The following SLC17A1 variants were observed in gnomAD, a reference collection of about 807,000 sequenced individuals.
The protein encoded by SLC17A1 is sodium-dependent phosphate transport protein 1.
A neutral mutation model predicts 53.5 loss-of-function variants in SLC17A1; 51 were observed. That is an observed-to-expected ratio of 0.95 (90% CI 0.76 to 1.20). The LOEUF is 1.20. Among genes scored for constraint, SLC17A1 ranks in the 50% most tolerant of loss-of-function variants. The pLI, the probability that SLC17A1 is intolerant of heterozygous loss-of-function variation, is 0.00. For synonymous variants in SLC17A1, 179 were observed against 198.8 expected, an observed-to-expected ratio of 0.90 and a Z score of 0.84; for missense variants, 538 against 568.2, an observed-to-expected ratio of 0.95 and a Z score of 0.54.
chr6:25,819,273 A>G (rs1034296315), intron 5 of SLC17A1, 119 bp from the exon 6 acceptor site: 2 of 715,538 alleles, frequency 2.8e-6, no homozygotes, highest in Non-Finnish European at 4.6e-6. Flanking sequence ...ATCATAACAC[A>G]AACATCAGAA....
chr6:25,758,866 T>C, the SLC17A1 span, among the ~76,000 whole-genome samples: 1 of 152,208 alleles, frequency 6.6e-6, no homozygotes, highest in South Asian at 2.1e-4. Flanking sequence ...CTTGTTTCTC[T>C]AGTTCCTTGA....
intron 3 of SLC17A1, among the ~76,000 whole-genome samples, chr6:25,823,743 T>C (rs1764644523): frequency 6.6e-6 from 1 of 152,054 alleles, no homozygotes; most frequent in African/African-American, 2.4e-5. Flanking sequence ...GGCTTGTTTT[T>C]TCATTATCTT....
chr6:25,775,959 C>T, the SLC17A1 span, among the ~76,000 whole-genome samples: 1 of 152,136 alleles, frequency 6.6e-6, no homozygotes, highest in African/African-American at 2.4e-5. Flanking sequence ...AGCAATGCTG[C>T]AGTGAAAACC....
At chr6:25,821,783 T>C (rs1764570995) in intron 3 of SLC17A1, among the ~76,000 whole-genome samples, 2 of 152,202 alleles carry the variant, frequency 1.3e-5, no homozygotes, top group Admixed American at 1.3e-4. Flanking sequence ...CATTAACTAG[T>C]TGCCATTGAA....
chr6:25,798,679 A>C, intron 12 of SLC17A1, 104 bp downstream of exon 12: 1 of 1,102,714 alleles, frequency 9.1e-7, no homozygotes, highest in Admixed American at 2.4e-5. Flanking sequence ...CCTCTTCTCC[A>C]AACCTGCACC....
intron 2 of SLC17A1, among the ~76,000 whole-genome samples, chr6:25,827,697 T>G (rs1368326768): frequency 6.6e-6 from 1 of 152,134 alleles, no homozygotes; most frequent in Non-Finnish European, 1.5e-5. Flanking sequence ...TATTTAAGAT[T>G]AACTGATTTG....
chr6:25,736,774 G>T, the SLC17A1 span, among the ~76,000 whole-genome samples: 2 of 152,100 alleles, frequency 1.3e-5, no homozygotes, highest in African/African-American at 4.8e-5. Flanking sequence ...TGTTCTCAAG[G>T]TCTTTCTACA....
the SLC17A1 span, among the ~76,000 whole-genome samples, chr6:25,749,794 A>T: frequency 6.6e-6 from 1 of 152,010 alleles, no homozygotes; most frequent in South Asian, 2.1e-4. Flanking sequence ...ACTTACTTTG[A>T]TCAATTCAAT....
chr6:25,798,743 C>A, intron 12 of SLC17A1, 40 bp downstream of exon 12: 1 of 1,551,020 alleles, frequency 6.4e-7, no homozygotes, highest in African/African-American at 1.3e-5. Flanking sequence ...CTCCTGCATT[C>A]CCAGTTTCAA....
downstream of SLC17A1, chr6:25,780,446 A>G (rs996715198): frequency 6.6e-6 from 1 of 152,254 alleles, no homozygotes; most frequent in Non-Finnish European, 1.5e-5. Context: ...CTGAAGGATA[A>G]TAGTTAACTG....
At chr6:25,777,613 C>A in the SLC17A1 span, 1 of 226,472 alleles carries the variant, frequency 4.4e-6, no homozygotes, top group Admixed American at 5.5e-5. Context: ...CAACAAAAAC[C>A]TTACAAACCA....
the SLC17A1 span, among the ~76,000 whole-genome samples, chr6:25,732,243 A>G: frequency 6.6e-6 from 1 of 152,180 alleles, no homozygotes; most frequent in African/African-American, 2.4e-5. Flanking sequence ...CATGGCCCTC[A>G]ACCTACGTCA....
the SLC17A1 span, among the ~76,000 whole-genome samples, chr6:25,763,654 G>T: frequency 3.3e-5 from 5 of 152,114 alleles, no homozygotes; most frequent in Non-Finnish European, 5.9e-5. Context: ...GTGGAGAAAT[G>T]CCCCCTCCCC....
At chr6:25,762,738 C>G in the SLC17A1 span, among the ~76,000 whole-genome samples, 18 of 152,298 alleles carry the variant, frequency 1.2e-4, no homozygotes, top group African/African-American at 3.9e-4. Context: ...CTCCTAATCT[C>G]AACCATCACA....
chr6:25,772,250 A>C, the SLC17A1 span, among the ~76,000 whole-genome samples: 2 of 152,180 alleles, frequency 1.3e-5, no homozygotes, highest in African/African-American at 4.8e-5. Context: ...GCATATACGC[A>C]ATAGAAACTC....
chr6:25,758,334 C>T, the SLC17A1 span, among the ~76,000 whole-genome samples: 2 of 152,234 alleles, frequency 1.3e-5, no homozygotes, highest in Non-Finnish European at 2.9e-5. Context: ...AAAACATTCT[C>T]ACCTTTTTCA....
the SLC17A1 span, among the ~76,000 whole-genome samples, chr6:25,749,290 G>A: frequency 3.3e-5 from 5 of 152,324 alleles, 1 homozygote; most frequent in East Asian, 9.7e-4. Flanking sequence ...ATCCTGCACA[G>A]CCCTAGATCC....
intron 12 of SLC17A1, among the ~76,000 whole-genome samples, chr6:25,796,801 AATG>A (rs1763611089): frequency 6.6e-6 from 1 of 152,148 alleles, no homozygotes. Context: ...ATCTGCTCAT[AATG>A]ATAATTTTAC....
the SLC17A1 span, chr6:25,727,004 G>T: frequency 1.2e-6 from 2 of 1,614,200 alleles, no homozygotes; most frequent in Admixed American, 1.7e-5. Context: ...AAAAGCGCAA[G>T]AGGACCCGTA....
Sources: gnomAD v4.1 joint callset for allele counts (sites outside exome capture counted in the v4.1 genomes callset) on GRCh38, gnomAD v4.1.1 for gene constraint, MANE v1.5 for transcripts, NCBI Gene and HGNC (gene_info 2026-07-23, HGNC 2026-07-21) for gene names.